HSD17B11: variants seen among roughly 807,000 people sequenced by gnomAD.
HSD17B11 encodes the protein estradiol 17-beta-dehydrogenase 11.
In HSD17B11, 22 loss-of-function variants were observed where a neutral mutation model predicts 27.8. The observed-to-expected ratio is 0.79, with a 90% CI of 0.56 to 1.13. The LOEUF is 1.13. Ranked by LOEUF, HSD17B11 falls within the 50% of genes most tolerant of loss-of-function variation. HSD17B11 has a pLI of 0.00. For missense variants in HSD17B11, 314 were observed against 351.1 expected (o/e 0.89, Z 0.84); for synonymous variants, 117 against 132.8 (o/e 0.88, Z 0.82).
intron 4 of HSD17B11, among the ~76,000 whole-genome samples, chr4:87,370,749 ATTATTAT>A (rs1560765979): frequency 0.097 from 627 of 6,468 alleles, 132 homozygotes; most frequent in African/African-American, 0.45. Context: ...TATTATTATT[ATTATTAT>A]TTTTTTTTTT....
intron 6 of HSD17B11, chr4:87,340,198 G>C (rs1363597315): frequency 5.3e-6 from 1 of 188,716 alleles, no homozygotes; most frequent in African/African-American, 2.4e-5. Flanking sequence ...ATTCCATTAT[G>C]TAAAGATGCT....
chr4:87,390,090 G>C (rs558736698), intron 1 of HSD17B11, among the ~76,000 whole-genome samples: 1 of 152,082 alleles, frequency 6.6e-6, no homozygotes, highest in African/African-American at 2.4e-5. Flanking sequence ...TCCCGGAAAA[G>C]ATGCTTTTTA....
intron 1 of HSD17B11, among the ~76,000 whole-genome samples, chr4:87,387,657 C>T (rs1720355593): frequency 6.6e-6 from 1 of 151,972 alleles, no homozygotes; most frequent in Non-Finnish European, 1.5e-5. Context: ...AAACTTTTGG[C>T]CAAATAAGGA....
intron 5 of HSD17B11, among the ~76,000 whole-genome samples, chr4:87,342,233 T>C (rs1203806085): frequency 6.6e-6 from 1 of 151,808 alleles, no homozygotes; most frequent in Non-Finnish European, 1.5e-5. Flanking sequence ...AAATACAAAA[T>C]TAGCCAGGCA....
intron 1 of HSD17B11, among the ~76,000 whole-genome samples, chr4:87,389,817 A>G (rs1720409688): frequency 6.6e-6 from 1 of 152,190 alleles, no homozygotes; most frequent in South Asian, 2.1e-4. Context: ...GTTGGATTCT[A>G]GGTCCTCTTC....
rs570418849 is a variant in HSD17B11 at position 87,353,187 on chromosome 4, C to T, written c.695+4092G>A. Reference sequence around the variant, plus strand: ...TTAACAGCAAATCAGCAATAAGCATCCTCGGGCACACATATTTTCACTTTT... The same window carrying T: ...TTAACAGCAAATCAGCAATAAGCATTCTCGGGCACACATATTTTCACTTTT... On this transcript the variant is annotated intron_variant, in intron 5 of 6. Transcript: ENST00000358290. Among the ~76,000 whole-genome samples the T allele has an allele frequency of 6.3e-3, 939 of 149,454 alleles. 7 individuals carry two copies. The highest frequency in any genetic ancestry group is 0.022 in the African/African-American group (884 of 39,460).
chr4:87,373,031 A>C (rs183965871), intron 3 of HSD17B11, among the ~76,000 whole-genome samples: 122 of 152,326 alleles, frequency 8.0e-4, no homozygotes, highest in African/African-American at 2.6e-3. Context: ...AGCTTTGAGA[A>C]TCCATCTCAT....
intron 4 of HSD17B11, among the ~76,000 whole-genome samples, chr4:87,361,638 G>C (rs188250191): frequency 6.6e-6 from 1 of 152,230 alleles, no homozygotes; most frequent in Admixed American, 6.5e-5. Flanking sequence ...ATGGTGGCGG[G>C]CACCTGTAGT....
Position 87,378,958 on chromosome 4 carries a change from A to T in HSD17B11, c.318+3297T>A, listed in dbSNP as rs1411669036. On this transcript the variant is annotated intron_variant, in intron 2 of 6. Transcript: ENST00000358290. ...TATATATATATATATTTATATATATATATTTTTTTTTTTTTTTGAGATGGT... is the reference window on the plus strand; with the variant it reads ...TATATATATATATATTTATATATATTTATTTTTTTTTTTTTTTGAGATGGT... Among the ~76,000 whole-genome samples the T allele has an allele frequency of 1.4e-3, 39 of 27,096 alleles. 1 individual carries two copies. Among genetic ancestry groups the T allele is most frequent in the African/African-American group, 3.7e-3 (13 of 3,486 alleles). The allele number at this position is 27,096 out of a possible 152,430, so 17.8% of individuals were successfully genotyped here.
intron 4 of HSD17B11, among the ~76,000 whole-genome samples, chr4:87,367,716 C>A (rs1389036707): frequency 6.6e-6 from 1 of 152,158 alleles, no homozygotes; most frequent in Non-Finnish European, 1.5e-5. Context: ...TTTAGGCTAA[C>A]CCTGTTTATT....
intron 2 of HSD17B11, among the ~76,000 whole-genome samples, chr4:87,375,479 C>T (rs1472630391): frequency 1.3e-5 from 2 of 152,184 alleles, no homozygotes; most frequent in East Asian, 1.9e-4. Flanking sequence ...CGGTGGCTCA[C>T]GCCTGTAATC....
chr4:87,346,775 AAGCTGGGTGTGGC>A (rs2110114358), intron 5 of HSD17B11, among the ~76,000 whole-genome samples: 1 of 152,286 alleles, frequency 6.6e-6, no homozygotes, highest in Non-Finnish European at 1.5e-5. Flanking sequence ...AAAGTGTGCT[AAGCTGGGTGTGGC>A]AGCTCACGCC....
chr4:87,337,035 T>C lies in HSD17B11; in HGVS notation c.*241A>G. 2.6e-6 allele frequency: 1 copy of C among 391,838 alleles called. No individual in the cohort carries two copies. Among genetic ancestry groups the C allele is most frequent in the East Asian group, 4.6e-5 (1 of 21,792 alleles). The allele number at this position is 391,838 out of a possible 1,614,324, so 24.3% of individuals were successfully genotyped here. ...TGGAAATTATTTTAATAAAGTCATTTTGGTTCTTTTTCTTCATTTTCCTTA... is the reference window on the plus strand; with the variant it reads ...TGGAAATTATTTTAATAAAGTCATTCTGGTTCTTTTTCTTCATTTTCCTTA... On this transcript the variant is annotated 3_prime_UTR_variant, in exon 7 of 7. Coordinates refer to ENST00000358290, the MANE Select transcript of HSD17B11 (RefSeq NM_016245.5).
chr4:87,371,815 C>A (rs1232321120), intron 4 of HSD17B11, among the ~76,000 whole-genome samples: 1 of 152,164 alleles, frequency 6.6e-6, no homozygotes, highest in East Asian at 1.9e-4. Flanking sequence ...CCAGTGATAG[C>A]TGAGGATTCT....
chr4:87,353,547 T>G (rs1735323641), intron 5 of HSD17B11, among the ~76,000 whole-genome samples: 1 of 152,220 alleles, frequency 6.6e-6, no homozygotes, highest in Non-Finnish European at 1.5e-5. Context: ...AGGCCCTTCC[T>G]TAGCCAGGTT....
intron 5 of HSD17B11, among the ~76,000 whole-genome samples, chr4:87,353,882 T>C (rs1735331410): frequency 6.6e-6 from 1 of 152,200 alleles, no homozygotes; most frequent in Admixed American, 6.5e-5. Flanking sequence ...ACTGGCAAGT[T>C]TTATCTTCAA....
chr4:87,373,207 G>A (rs7697960), intron 3 of HSD17B11: 58,072 of 168,324 alleles, frequency 0.35, 11,540 homozygotes, highest in African/African-American at 0.54. Flanking sequence ...GGTCATGGTG[G>A]CAGGTACCTG....
At chr4:87,368,900 C>A (rs2110123111) in intron 4 of HSD17B11, among the ~76,000 whole-genome samples, 1 of 152,328 alleles carries the variant, frequency 6.6e-6, no homozygotes, top group South Asian at 2.1e-4. Context: ...TTTAGCAGAT[C>A]ATCAAGAAAT....
chr4:87,360,787 G>A lies in HSD17B11; in HGVS notation c.558-3371C>T, dbSNP rs1262290724. ...GGGCAGTTTAAGTTTTTTGTTCCTT[G>A]CAACTGAAAGAGTGACAAAATACCA... On this transcript the variant is annotated intron_variant, in intron 4 of 6. Transcript: ENST00000358290. Among the ~76,000 whole-genome samples, 3 of 152,106 alleles carry A rather than the reference G, an allele frequency of 2.0e-5. No individual in the cohort carries two copies. In the South Asian group the frequency reaches 6.2e-4, roughly 31 times the overall value.
Sources: gnomAD v4.1 joint callset for allele counts (sites outside exome capture counted in the v4.1 genomes callset) on GRCh38, gnomAD v4.1.1 for gene constraint, MANE v1.5 for transcripts, NCBI Gene and HGNC (gene_info 2026-07-23, HGNC 2026-07-21) for gene names.